Variants in GPC6 observed in about 807,000 individuals in gnomAD.
GPC6 encodes the protein glypican 6.
Under a neutral mutation model 55.2 loss-of-function variants are expected in GPC6, and 14 were observed. The observed-to-expected ratio is 0.25, with a 90% confidence interval of 0.17 to 0.40. GPC6 has a LOEUF of 0.40. GPC6 is among the 10% of genes least tolerant of loss of function. GPC6 has a pLI of 1.00. For missense variants in GPC6, 641 were observed against 708.5 expected (o/e 0.90, Z 1.08); for synonymous variants, 278 against 259.6 (o/e 1.07, Z -0.68).
At chr13:93,490,854 A>C (rs372948408) in intron 1 of GPC6, among the ~76,000 whole-genome samples, 1 of 86,784 alleles carries the variant, frequency 1.2e-5, no homozygotes, top group East Asian at 8.8e-4. Context: ...TGAACTCATC[A>C]TTTTTTATGG....
chr13:93,300,276 T>C (rs183683101), intron 1 of GPC6, among the ~76,000 whole-genome samples: 34 of 152,348 alleles, frequency 2.2e-4, no homozygotes, highest in African/African-American at 7.0e-4. Flanking sequence ...TTCTTTGCAC[T>C]ACATTACTGA....
chr13:93,926,842 G>C (rs1389324073), intron 3 of GPC6, among the ~76,000 whole-genome samples: 1 of 152,018 alleles, frequency 6.6e-6, no homozygotes, highest in Non-Finnish European at 1.5e-5. Context: ...ACTGTTAACT[G>C]TCCTAACTAG....
intron 6 of GPC6, among the ~76,000 whole-genome samples, chr13:94,340,226 G>A (rs1248633567): frequency 9.2e-5 from 14 of 152,134 alleles, no homozygotes; most frequent in Non-Finnish European, 1.3e-4. Flanking sequence ...GGATTTGGGG[G>A]AAATCATTTT....
intron 4 of GPC6, among the ~76,000 whole-genome samples, chr13:94,240,649 AAAAT>A (rs869119125): frequency 2.1e-5 from 3 of 145,710 alleles, no homozygotes; most frequent in South Asian, 4.3e-4. Context: ...AAAATAAAAT[AAAAT>A]AAATAAAAGT....
At chr13:93,676,126 AATATATATATATATAT>A (rs764101821) in intron 2 of GPC6, among the ~76,000 whole-genome samples, 81 of 15,652 alleles carry the variant, frequency 5.2e-3, no homozygotes, top group Middle Eastern at 0.071. Flanking sequence ...AAAAAAAAAA[AATATATATATATATAT>A]ATATATATAT....
chr13:93,478,431 T>C (rs1019399456), intron 1 of GPC6, among the ~76,000 whole-genome samples: 4 of 152,212 alleles, frequency 2.6e-5, no homozygotes, highest in African/African-American at 9.7e-5. Context: ...TGGTAAACTG[T>C]ATCTGTGTAA....
intron 2 of GPC6, among the ~76,000 whole-genome samples, chr13:93,557,396 T>C (rs1014095688): frequency 2.0e-5 from 3 of 151,192 alleles, no homozygotes; most frequent in African/African-American, 7.4e-5. Context: ...TTATGATTGA[T>C]GTTAAAAAAA....
At chr13:93,882,641 G>C (rs1875066128) in intron 3 of GPC6, among the ~76,000 whole-genome samples, 1 of 151,872 alleles carries the variant, frequency 6.6e-6, no homozygotes, top group African/African-American at 2.4e-5. Context: ...CAAATGCTTA[G>C]AGTTATGTAA....
In GPC6 at chr13:93,595,868, C is replaced by A. The variant is rs947726335; in HGVS notation, c.319+50447C>A. ...TTTGTCTTTCAGCAGCATGCCTGTT[C>A]CAATGGATGACCGTACAGTTGTTCC... On this transcript the variant is annotated intron_variant, in intron 2 of 8. Coordinates refer to ENST00000377047, the MANE Select transcript of GPC6 (RefSeq NM_005708.5). 2.6e-5 allele frequency among the ~76,000 whole-genome samples: 4 copies of A among 152,180 alleles called. No individual in the cohort carries two copies. In the South Asian group the frequency reaches 8.3e-4, roughly 32 times the overall value.
At chr13:94,198,867 T>C (rs1005187739) in intron 4 of GPC6, among the ~76,000 whole-genome samples, 1 of 152,220 alleles carries the variant, frequency 6.6e-6, no homozygotes, top group Non-Finnish European at 1.5e-5. Flanking sequence ...TGAAGCTGTA[T>C]TTCATGAGTG....
chr13:94,337,548 A>C (rs1464762455), intron 6 of GPC6, among the ~76,000 whole-genome samples: 1 of 151,790 alleles, frequency 6.6e-6, no homozygotes, highest in African/African-American at 2.4e-5. Flanking sequence ...CCTGGGTTCA[A>C]GCGATTCTCC....
At chr13:93,379,180 A>T (rs1875052224) in intron 1 of GPC6, among the ~76,000 whole-genome samples, 1 of 152,162 alleles carries the variant, frequency 6.6e-6, no homozygotes, top group South Asian at 2.1e-4. Flanking sequence ...CAGCTTCTTA[A>T]GTAGCTAGGA....
chr13:93,223,324 G>A (rs1168011521), upstream of GPC6, among the ~76,000 whole-genome samples: 1 of 152,170 alleles, frequency 6.6e-6, no homozygotes, highest in African/African-American at 2.4e-5. Flanking sequence ...AAAACGGGTT[G>A]TTGTGAAAAC....
chr13:94,239,183 G>A (rs1890973933), intron 4 of GPC6, among the ~76,000 whole-genome samples: 1 of 151,942 alleles, frequency 6.6e-6, no homozygotes, highest in Non-Finnish European at 1.5e-5. Context: ...CATTTAGGGG[G>A]CCCTTCTCGG....
At chr13:93,300,533 A>T (rs1000798116) in intron 1 of GPC6, among the ~76,000 whole-genome samples, 1 of 151,658 alleles carries the variant, frequency 6.6e-6, no homozygotes, top group African/African-American at 2.4e-5. Context: ...CTGTAGTCCC[A>T]GCTACTTGGG....
At chr13:93,923,763 G>A (rs957816173) in intron 3 of GPC6, among the ~76,000 whole-genome samples, 3 of 152,166 alleles carry the variant, frequency 2.0e-5, no homozygotes, top group African/African-American at 4.8e-5. Context: ...TGGAAGGTAA[G>A]GCTGTTAACA....
In GPC6 at chr13:93,285,638, G is replaced by GTGTGTGTA. The variant is rs1555287701; in HGVS notation, c.160+58029_160+58030insATGTGTGT. Among the ~76,000 whole-genome samples, 105 of 150,776 alleles carry GTGTGTGTA rather than the reference G, an allele frequency of 7.0e-4. 1 individual carries two copies. Among genetic ancestry groups the GTGTGTGTA allele is most frequent in the African/African-American group, 1.9e-3 (77 of 40,864 alleles). ...CTGCTGTGTGTGTGTGTGTGTGTGT[G>GTGTGTGTA]TGTGTGTGTGTGTGTGTGTGTGTGT... On this transcript the variant is annotated intron_variant, in intron 1 of 8. Transcript: ENST00000377047.
chr13:93,457,179 A>C (rs1404797141), intron 1 of GPC6, among the ~76,000 whole-genome samples: 5 of 152,168 alleles, frequency 3.3e-5, no homozygotes, highest in Admixed American at 3.3e-4. Context: ...TGTCTTCATT[A>C]GTAGCATGAG....
chr13:93,793,445 C>T (rs971193554), intron 2 of GPC6, among the ~76,000 whole-genome samples: 1 of 151,692 alleles, frequency 6.6e-6, no homozygotes, highest in African/African-American at 2.4e-5. Context: ...TTTTAAAGCC[C>T]CTTGCCTTGA....
Sources: gnomAD v4.1 joint callset for allele counts (sites outside exome capture counted in the v4.1 genomes callset) on GRCh38, gnomAD v4.1.1 for gene constraint, MANE v1.5 for transcripts, NCBI Gene and HGNC (gene_info 2026-07-23, HGNC 2026-07-21) for gene names.